The following PTPRD variants were observed in gnomAD, a reference collection of about 807,000 sequenced individuals.
PTPRD encodes the protein receptor-type tyrosine-protein phosphatase delta.
Under a neutral mutation model 214.5 loss-of-function variants are expected in PTPRD, and 34 were observed. The ratio of observed to expected loss-of-function variants is 0.16; its 90% CI spans 0.12 to 0.21. The LOEUF is 0.21. PTPRD is among the 10% of genes least tolerant of loss of function. PTPRD has a pLI of 1.00. For missense variants in PTPRD, 2,545 were observed against 2,398.7 expected, an observed-to-expected ratio of 1.06 and a Z score of -1.27; for synonymous variants, 1,128 against 845.7, an observed-to-expected ratio of 1.33 and a Z score of -5.79.
Position 10,438,363 on chromosome 9 carries a change from T to C in PTPRD, c.-599-97346A>G, listed in dbSNP as rs114564053. 8.8e-3 allele frequency among the ~76,000 whole-genome samples: 1,337 copies of C among 151,794 alleles called. 25 individuals are homozygous for C. The highest frequency in any genetic ancestry group is 0.03 in the African/African-American group (1,258 of 41,450). On this transcript the variant is annotated intron_variant, in intron 2 of 45. Transcript: ENST00000381196. ...CAGATTATCAAATGCATTATCAGTT[T>C]ATGATATTTTTGACTTACGATGGGT...
At chr9:8,979,358 A>C (rs916760779) in intron 11 of PTPRD, among the ~76,000 whole-genome samples, 4 of 152,136 alleles carry the variant, frequency 2.6e-5, no homozygotes, top group Non-Finnish European at 4.4e-5. Context: ...ATCACACCAA[A>C]GGCTCAGGCT....
chr9:9,023,053 T>C (rs1246869835), intron 10 of PTPRD, among the ~76,000 whole-genome samples: 2 of 152,138 alleles, frequency 1.3e-5, no homozygotes, highest in Non-Finnish European at 2.9e-5. Flanking sequence ...ACATCCCAGA[T>C]TTTTGTTTCT....
At chr9:9,451,745 G>A (rs2092240995) in intron 8 of PTPRD, among the ~76,000 whole-genome samples, 1 of 151,230 alleles carries the variant, frequency 6.6e-6, no homozygotes, top group Non-Finnish European at 1.5e-5. Context: ...AATTAATAAA[G>A]TACACTTGAA....
At chr9:10,545,839 G>C (rs1369882249) in intron 2 of PTPRD, among the ~76,000 whole-genome samples, 1 of 152,022 alleles carries the variant, frequency 6.6e-6, no homozygotes, top group Non-Finnish European at 1.5e-5. Context: ...TTATATGTGA[G>C]TTTTCCTAAA....
At chr9:9,788,876 G>A (rs1012067498) in intron 5 of PTPRD, among the ~76,000 whole-genome samples, 2 of 151,806 alleles carry the variant, frequency 1.3e-5, no homozygotes, top group Non-Finnish European at 2.9e-5. Context: ...CTTCATCTAG[G>A]GTCAAAATTA....
intron 2 of PTPRD, among the ~76,000 whole-genome samples, chr9:10,490,767 G>A (rs965818690): frequency 6.6e-6 from 1 of 151,964 alleles, no homozygotes; most frequent in Non-Finnish European, 1.5e-5. Context: ...ATACATTTCA[G>A]GCAAATATTT....
At chr9:10,503,710 T>A (rs532569035) in intron 2 of PTPRD, among the ~76,000 whole-genome samples, 2 of 151,970 alleles carry the variant, frequency 1.3e-5, no homozygotes, top group African/African-American at 4.8e-5. Context: ...AGATTAAAGA[T>A]AAATGAATAG....
intron 3 of PTPRD, among the ~76,000 whole-genome samples, chr9:10,250,478 G>T (rs1382713447): frequency 1.3e-5 from 2 of 152,006 alleles, no homozygotes; most frequent in Non-Finnish European, 2.9e-5. Context: ...ATCAAATTTG[G>T]ACTCTTAAAA....
At chr9:9,004,031 G>A (rs1231557182) in intron 11 of PTPRD, among the ~76,000 whole-genome samples, 1 of 151,994 alleles carries the variant, frequency 6.6e-6, no homozygotes, top group African/African-American at 2.4e-5. Context: ...CCAATACTGA[G>A]TATTCTTGTG....
intron 14 of PTPRD, among the ~76,000 whole-genome samples, chr9:8,597,398 T>C (rs571210311): frequency 6.6e-5 from 10 of 152,272 alleles, no homozygotes; most frequent in Non-Finnish European, 1.3e-4. Flanking sequence ...TCAGTGCTAC[T>C]TTGGCTTTTT....
chr9:8,929,283 C>G (rs7854643), intron 11 of PTPRD, among the ~76,000 whole-genome samples: 6,901 of 152,078 alleles, frequency 0.045, 337 homozygotes, highest in East Asian at 0.19. Flanking sequence ...CAAAGGGAAT[C>G]CTTTCAGCTT....
chr9:9,477,556 AT>A (rs1787368296), intron 8 of PTPRD, among the ~76,000 whole-genome samples: 3 of 152,198 alleles, frequency 2.0e-5, no homozygotes, highest in African/African-American at 7.2e-5. Flanking sequence ...CATATCACTG[AT>A]ATGAGGCTGG....
At chr9:9,538,300 AAAATTTTCAAAGGAGT>A (rs1452312227) in intron 8 of PTPRD, among the ~76,000 whole-genome samples, 5 of 151,994 alleles carry the variant, frequency 3.3e-5, no homozygotes, top group Non-Finnish European at 7.4e-5. Flanking sequence ...AGCACCAGTT[AAAATTTTCAAAGGAGT>A]ATTTCCCTTT....
chr9:9,678,133 G>T (rs1037848157), intron 7 of PTPRD, among the ~76,000 whole-genome samples: 1 of 151,988 alleles, frequency 6.6e-6, no homozygotes, highest in African/African-American at 2.4e-5. Context: ...CGTGAAAATG[G>T]CCATACTGCC....
intron 8 of PTPRD, among the ~76,000 whole-genome samples, chr9:9,420,978 G>T (rs1569568170): frequency 6.6e-6 from 1 of 151,668 alleles, no homozygotes; most frequent in Non-Finnish European, 1.5e-5. Flanking sequence ...CCTTCATAAG[G>T]CTGCCATTTG....
intron 2 of PTPRD, among the ~76,000 whole-genome samples, chr9:10,523,601 G>GTGTATATATATATA (rs1459526758): frequency 3.1e-5 from 2 of 64,336 alleles, no homozygotes; most frequent in African/African-American, 1.0e-4. Flanking sequence ...ATATTTATCT[G>GTGTATATATATATA]TATATATATA....
At chr9:8,501,816 T>A (rs1299726690) in intron 23 of PTPRD, among the ~76,000 whole-genome samples, 1 of 152,180 alleles carries the variant, frequency 6.6e-6, no homozygotes, top group African/African-American at 2.4e-5. Flanking sequence ...GTACTTACCC[T>A]ACGTCAGCTT....
chr9:9,127,007 T>TAC lies in PTPRD; in HGVS notation c.-143+56295_-143+56296dup, dbSNP rs146015097. The stretch of plus-strand genomic sequence containing the variant: ...TCACACACACACATACACACACAGG[T>TAC]ACACACACACACACTCAGGCTGGGA... On this transcript the variant is annotated intron_variant, in intron 10 of 45. Transcript: ENST00000381196. Among the ~76,000 whole-genome samples the TAC allele has an allele frequency of 4.4e-3, 654 of 148,264 alleles. 3 individuals carry two copies. The highest frequency in any genetic ancestry group is 0.018 in the Middle Eastern group (5 of 280).
At chr9:8,659,338 A>T (rs1322322857) in intron 12 of PTPRD, among the ~76,000 whole-genome samples, 1 of 152,224 alleles carries the variant, frequency 6.6e-6, no homozygotes, top group Non-Finnish European at 1.5e-5. Context: ...GTTCCAGCTG[A>T]AAACTGATTT....
Sources: gnomAD v4.1 joint callset for allele counts (sites outside exome capture counted in the v4.1 genomes callset) on GRCh38, gnomAD v4.1.1 for gene constraint, MANE v1.5 for transcripts, NCBI Gene and HGNC (gene_info 2026-07-23, HGNC 2026-07-21) for gene names.